The following GREB1L variants were observed in gnomAD, a reference collection of about 807,000 sequenced individuals.
GREB1L encodes the protein GREB1-like protein.
A neutral mutation model predicts 200.8 loss-of-function variants in GREB1L; 17 were observed. The observed-to-expected ratio is 0.08, with a 90% CI of 0.06 to 0.13. GREB1L has a LOEUF of 0.13. Ranked by LOEUF, GREB1L falls within the 10% of genes least tolerant of loss-of-function variation. GREB1L has a pLI of 1.00. For missense variants in GREB1L, 1,657 were observed against 2,367.7 expected (o/e 0.70, Z 6.23); for synonymous variants, 789 against 893.0 (o/e 0.88, Z 2.08).
At chr18:21,505,078 A>C (rs1274650178) in intron 23 of GREB1L, among the ~76,000 whole-genome samples, 2 of 152,190 alleles carry the variant, frequency 1.3e-5, no homozygotes, top group African/African-American at 4.8e-5. Flanking sequence ...TCAGTATATT[A>C]ACACCCCACA....
At chr18:21,328,795 A>T (rs1292107005) in intron 1 of GREB1L, among the ~76,000 whole-genome samples, 2 of 152,152 alleles carry the variant, frequency 1.3e-5, no homozygotes, top group Non-Finnish European at 2.9e-5. Flanking sequence ...GAAAACAGGA[A>T]ATGATAGTAA....
chr18:21,523,042 C>G lies in GREB1L; in HGVS notation c.*221C>G. 2.2e-6 allele frequency: 1 copy of G among 450,572 alleles called. No individual in the cohort carries two copies. The highest frequency in any genetic ancestry group is 4.0e-5 in the Admixed American group (1 of 25,054). 27.9% of individuals were successfully genotyped at this position (450,572 alleles called of 1,614,324 possible). On this transcript the variant is annotated 3_prime_UTR_variant, in exon 33 of 33. Transcript: ENST00000424526. ...ACCCTTAAATTCAGGTAAACTCTAT[C>G]CTAGGCAGTTATGCAATTACTTAAG...
chr18:21,330,694 C>G (rs1447829281), intron 1 of GREB1L, among the ~76,000 whole-genome samples: 2 of 152,036 alleles, frequency 1.3e-5, no homozygotes, highest in African/African-American at 4.8e-5. Flanking sequence ...CACAGACATA[C>G]CTAAGTCTCT....
At chr18:21,268,573 A>ATATATATATATATATATATATG (rs2038024553) in intron 1 of GREB1L, among the ~76,000 whole-genome samples, 1 of 107,346 alleles carries the variant, frequency 9.3e-6, no homozygotes, top group Admixed American at 8.7e-5. Flanking sequence ...ATATATATAT[A>ATATATATATATATATATATATG]TATATATATA....
At chr18:21,294,456 A>G (rs1162110339) in intron 1 of GREB1L, among the ~76,000 whole-genome samples, 1 of 151,854 alleles carries the variant, frequency 6.6e-6, no homozygotes, top group Non-Finnish European at 1.5e-5. Flanking sequence ...AAAACAAAAT[A>G]ATAATAATAA....
chr18:21,245,881 C>G (rs2037590458), intron 1 of GREB1L, among the ~76,000 whole-genome samples: 1 of 152,070 alleles, frequency 6.6e-6, no homozygotes, highest in African/African-American at 2.4e-5. Flanking sequence ...CCACGCCTGG[C>G]TAATTTTTTG....
chr18:21,243,198 C>T (rs1170213043), intron 1 of GREB1L, among the ~76,000 whole-genome samples: 3 of 152,070 alleles, frequency 2.0e-5, no homozygotes, highest in Non-Finnish European at 4.4e-5. Context: ...CCATTCCCGC[C>T]GTCCCTCTTC....
At chr18:21,404,929 A>G (rs551559041) in intron 7 of GREB1L, among the ~76,000 whole-genome samples, 1 of 152,358 alleles carries the variant, frequency 6.6e-6, no homozygotes, top group South Asian at 2.1e-4. Context: ...TTTGCTACAC[A>G]GCATACCTCT....
At position 21,515,534 on chromosome 18, in the gene GREB1L, C is replaced by G; in HGVS notation, c.5019C>G (p.Ser1673Arg). Residue 1673 changes from serine to arginine, a missense_variant, in exon 29 of 33, where the codon AGC becomes AGG. Ser to Arg is a moderately radical substitution (Grantham distance 110, BLOSUM62 -1). This residue lies in a region of GREB1L where 151 missense variants were observed against 309.6 expected (regional missense o/e 0.49). Coordinates refer to ENST00000424526, the MANE Select transcript of GREB1L (RefSeq NM_001142966.3). ...CAATCTTGGGCATACAGAAATGGAG[C>G]AGCAAGCTGACTTCTCAGAGCCTAA... ...HYAILGIQKWSSKLTSQSLKA... is the reference protein window; with the variant it reads ...HYAILGIQKWRSKLTSQSLKA... 1.3e-6 allele frequency: 2 copies of G among 1,551,590 alleles called. No individual in the cohort carries two copies. The highest frequency in any genetic ancestry group is 1.7e-6 in the Non-Finnish European group (2 of 1,146,930).
chr18:21,480,554 C>T (rs2035876625), intron 17 of GREB1L, among the ~76,000 whole-genome samples: 1 of 152,106 alleles, frequency 6.6e-6, no homozygotes, highest in Non-Finnish European at 1.5e-5. Context: ...ATTTAATATA[C>T]AACAACCTTA....
At chr18:21,272,725 T>C (rs1390200319) in intron 1 of GREB1L, among the ~76,000 whole-genome samples, 1 of 152,104 alleles carries the variant, frequency 6.6e-6, no homozygotes, top group Admixed American at 6.5e-5. Flanking sequence ...CTCACTTGGC[T>C]CAAAACTCAG....
Position 21,441,502 on chromosome 18 carries a change from T to A in GREB1L, c.1172T>A (p.Leu391Gln). The A allele has an allele frequency of 6.4e-7, 1 of 1,551,652 alleles. No individual in the cohort carries two copies. The highest frequency in any genetic ancestry group is 8.7e-7 in the Non-Finnish European group (1 of 1,146,784). ...ACTGTAATTGTTCCTGAAAACCTGC[T>A]GAGTAACTCAGGAGTTAGACCAGTA... ...GETVIVPENL[L>Q]SNSGVRPVIL... Residue 391 changes from leucine (L) to glutamine (Q), a missense_variant, in exon 10 of 33, where the codon CTG becomes CAG. Physicochemically the swap from Leu to Gln is moderately radical, Grantham distance 113. Coordinates refer to ENST00000424526, the MANE Select transcript of GREB1L (RefSeq NM_001142966.3).
At chr18:21,462,477 T>C (rs906664779) in intron 15 of GREB1L, among the ~76,000 whole-genome samples, 2 of 152,158 alleles carry the variant, frequency 1.3e-5, no homozygotes, top group Admixed American at 1.3e-4. Flanking sequence ...TGAGGTGGAG[T>C]CTTGCTCTGT....
intron 1 of GREB1L, among the ~76,000 whole-genome samples, chr18:21,334,072 T>C (rs868205507): frequency 1.3e-5 from 2 of 152,274 alleles, no homozygotes; most frequent in Middle Eastern, 3.4e-3. Context: ...ATTGCTATTG[T>C]GAAATGGTAG....
intron 5 of GREB1L, among the ~76,000 whole-genome samples, chr18:21,400,826 A>C (rs778182351): frequency 3.3e-5 from 5 of 152,190 alleles, no homozygotes; most frequent in Non-Finnish European, 7.4e-5. Context: ...GACATTCTAG[A>C]ACCAAGCTTT....
At chr18:21,325,966 T>TCCCA (rs2039017360) in intron 1 of GREB1L, among the ~76,000 whole-genome samples, 1 of 151,930 alleles carries the variant, frequency 6.6e-6, no homozygotes, top group African/African-American at 2.4e-5. Flanking sequence ...ACCAAAGAGA[T>TCCCA]TGGTGTCATG....
rs1476543284 is a variant in GREB1L at position 21,500,535 on chromosome 18, A to G, written c.3970-5A>G. ...CTCCTCCCCAATTAAAAATCTTTCCATTAGGTGGGAAAGACGGGCTCCTAT... is the reference window on the plus strand; with the variant it reads ...CTCCTCCCCAATTAAAAATCTTTCCGTTAGGTGGGAAAGACGGGCTCCTAT... On this transcript the variant is annotated splice_region_variant and splice_polypyrimidine_tract_variant and intron_variant, in intron 22 of 32. Transcript: ENST00000424526. 6.5e-7 allele frequency: 1 copy of G among 1,534,982 alleles called. No individual in the cohort carries two copies. The highest frequency in any genetic ancestry group is 1.2e-5 in the South Asian group (1 of 83,300).
At chr18:21,494,580 C>T (rs1051897313) in intron 19 of GREB1L, among the ~76,000 whole-genome samples, 7 of 151,618 alleles carry the variant, frequency 4.6e-5, no homozygotes, top group African/African-American at 1.5e-4. Context: ...CACCTGTCCA[C>T]GGCACTCCAG....
intron 10 of GREB1L, among the ~76,000 whole-genome samples, chr18:21,442,684 A>T (rs2033963911): frequency 6.6e-6 from 1 of 152,174 alleles, no homozygotes; most frequent in South Asian, 2.1e-4. Flanking sequence ...TTAGGAAGAC[A>T]ACCTCACAAA....
Sources: allele counts gnomAD v4.1 joint callset (sites outside exome capture counted in the v4.1 genomes callset), GRCh38; gene constraint gnomAD v4.1.1; regional missense constraint gnomAD v4.1.1; transcripts MANE v1.5; gene names NCBI Gene and HGNC (gene_info 2026-07-23, HGNC 2026-07-21).